CAST: variants seen among roughly 807,000 people sequenced by gnomAD.
The protein encoded by CAST is calpastatin.
CAST carries 76 observed loss-of-function variants against 119.6 expected under a neutral mutation model. The ratio of observed to expected loss-of-function variants is 0.64; its 90% CI spans 0.53 to 0.77. The LOEUF (loss-of-function observed/expected upper bound fraction) is 0.77. Ranked by LOEUF, CAST falls within the 30% of genes least tolerant of loss-of-function variation. The pLI is 0.00. For synonymous variants in CAST, 319 were observed against 331.6 expected (o/e 0.96, Z 0.41); for missense variants, 953 against 946.5 (o/e 1.01, Z -0.09).
chr5:96,437,588 C>A, the CAST span, among the ~76,000 whole-genome samples: 1 of 152,124 alleles, frequency 6.6e-6, no homozygotes, highest in Non-Finnish European at 1.5e-5. Context: ...TGAAAAGTGA[C>A]CTTGAATATT....
At chr5:96,279,124 C>G in the CAST span, among the ~76,000 whole-genome samples, 3 of 152,126 alleles carry the variant, frequency 2.0e-5, no homozygotes, top group African/African-American at 7.2e-5. Flanking sequence ...CTTGGTCTCT[C>G]GGGTGGACTT....
At chr5:96,430,348 T>C in the CAST span, among the ~76,000 whole-genome samples, 1 of 152,354 alleles carries the variant, frequency 6.6e-6, no homozygotes, top group East Asian at 1.9e-4. Context: ...CAACAGTATA[T>C]TACAGAAGAA....
At chr5:96,750,811 A>G (rs950818856) in intron 20 of CAST, 129 bp downstream of exon 20, 15 of 526,632 alleles carry the variant, frequency 2.8e-5, no homozygotes, top group Non-Finnish European at 5.1e-5. Context: ...TGATATCATT[A>G]TAGTATCTGT....
intron 1 of CAST, among the ~76,000 whole-genome samples, chr5:96,615,121 T>A (rs1257129856): frequency 6.6e-6 from 1 of 152,214 alleles, no homozygotes; most frequent in Non-Finnish European, 1.5e-5. Flanking sequence ...ATACATTACA[T>A]GAGATATTCA....
intron 1 of CAST, among the ~76,000 whole-genome samples, chr5:96,541,605 T>C (rs1365600665): frequency 1.3e-5 from 2 of 152,226 alleles, no homozygotes; most frequent in African/African-American, 4.8e-5. Flanking sequence ...AAAAATCCAC[T>C]GTGTTTCACC....
the CAST span, among the ~76,000 whole-genome samples, chr5:95,990,742 TTTTATC>T: frequency 6.6e-6 from 1 of 152,120 alleles, no homozygotes; most frequent in African/African-American, 2.4e-5. Flanking sequence ...TTAATTAATT[TTTTATC>T]TTTATTTTTA....
chr5:96,288,141 G>A, the CAST span, among the ~76,000 whole-genome samples: 1 of 152,130 alleles, frequency 6.6e-6, no homozygotes, highest in African/African-American at 2.4e-5. Context: ...TGACCCACAA[G>A]AGCAAGAAAA....
At chr5:96,635,636 A>G (rs1035423316) in intron 1 of CAST, among the ~76,000 whole-genome samples, 3 of 152,228 alleles carry the variant, frequency 2.0e-5, no homozygotes, top group East Asian at 3.8e-4. Flanking sequence ...AGTATCTCTC[A>G]TTGTGACCTA....
At chr5:96,084,383 G>A in the CAST span, among the ~76,000 whole-genome samples, 1 of 152,034 alleles carries the variant, frequency 6.6e-6, no homozygotes, top group Non-Finnish European at 1.5e-5. Flanking sequence ...AGAGGGATTG[G>A]GATTCTTCAG....
At chr5:96,016,258 C>G in the CAST span, among the ~76,000 whole-genome samples, 1 of 152,190 alleles carries the variant, frequency 6.6e-6, no homozygotes, top group Admixed American at 6.5e-5. Context: ...AGTGTTTTTT[C>G]TCTGGTTGAA....
chr5:96,406,320 C>G, the CAST span, among the ~76,000 whole-genome samples: 1 of 152,154 alleles, frequency 6.6e-6, no homozygotes, highest in Non-Finnish European at 1.5e-5. Flanking sequence ...TAATTTGGAT[C>G]TGCTGATGCC....
chr5:96,534,689 A>AGGAC (rs200423754), intron 1 of CAST, among the ~76,000 whole-genome samples: 1 of 83,526 alleles, frequency 1.2e-5, no homozygotes, highest in Non-Finnish European at 2.3e-5. Context: ...AGAGAGAGAG[A>AGGAC]GGAAGGAAGG....
the CAST span, among the ~76,000 whole-genome samples, chr5:96,352,378 G>A: frequency 1.3e-5 from 2 of 152,076 alleles, no homozygotes; most frequent in African/African-American, 4.8e-5. Flanking sequence ...TCATTGCTTT[G>A]TATATGTGTT....
the CAST span, among the ~76,000 whole-genome samples, chr5:96,309,168 G>A: frequency 2.6e-5 from 4 of 152,106 alleles, no homozygotes; most frequent in African/African-American, 9.7e-5. Context: ...GAGAGGAGGA[G>A]TATAGAGAGA....
At chr5:96,388,625 A>G in the CAST span, among the ~76,000 whole-genome samples, 1 of 152,200 alleles carries the variant, frequency 6.6e-6, no homozygotes, top group Non-Finnish European at 1.5e-5. Flanking sequence ...TAATTCAAAC[A>G]ATCATTTATA....
Position 96,740,734 on chromosome 5 carries a change from ATTTG to A in CAST, c.880-7_880-4del. Reference sequence around the variant, plus strand: ...ACCTTCTCAACATCATCAAATTAATATTTGTTTCAGAAAAAGGAAGGGATCACAG... The same window carrying A: ...ACCTTCTCAACATCATCAAATTAATATTTCAGAAAAAGGAAGGGATCACAG... On this transcript the variant is annotated splice_polypyrimidine_tract_variant and splice_region_variant and intron_variant, in intron 12 of 31. Transcript: ENST00000675179. 1 of 1,591,278 alleles carries A rather than the reference ATTTG, an allele frequency of 6.3e-7. No individual in the cohort carries two copies. The highest frequency in any genetic ancestry group is 8.6e-7 in the Non-Finnish European group (1 of 1,159,120).
chr5:96,191,475 C>T, the CAST span, among the ~76,000 whole-genome samples: 1 of 152,196 alleles, frequency 6.6e-6, no homozygotes, highest in African/African-American at 2.4e-5. Context: ...TTAAATGACT[C>T]ATAAGTAAAA....
chr5:96,307,577 C>T, the CAST span, among the ~76,000 whole-genome samples: 1 of 152,198 alleles, frequency 6.6e-6, no homozygotes, highest in Non-Finnish European at 1.5e-5. Flanking sequence ...CATGTTTGTG[C>T]AGTGGCTGGT....
chr5:96,766,909 A>T (rs1770203668), intron 27 of CAST, among the ~76,000 whole-genome samples: 1 of 152,218 alleles, frequency 6.6e-6, no homozygotes, highest in Admixed American at 6.5e-5. Context: ...GTCTCCTATT[A>T]CAGGAACCAA....
Sources: allele counts gnomAD v4.1 joint callset (sites outside exome capture counted in the v4.1 genomes callset), GRCh38; gene constraint gnomAD v4.1.1; transcripts MANE v1.5; gene names NCBI Gene and HGNC (gene_info 2026-07-23, HGNC 2026-07-21).